PDYN: variants seen among roughly 807,000 people sequenced by gnomAD.
PDYN encodes proenkephalin-B.
PDYN carries 5 observed loss-of-function variants against 11.4 expected under a neutral mutation model. The observed-to-expected ratio is 0.44, with a 90% confidence interval of 0.23 to 0.92. The LOEUF (loss-of-function observed/expected upper bound fraction) is 0.92, where lower values mean the gene tolerates loss of function less well. Ranked by LOEUF, PDYN falls within the 40% of genes least tolerant of loss-of-function variation. PDYN has a pLI of 0.24. For synonymous variants in PDYN, 132 were observed against 129.5 expected (o/e 1.02, Z -0.13); for missense variants, 337 against 317.3 (o/e 1.06, Z -0.47).
rs768892914 is a variant in PDYN, at chr20:1,980,942, C to T, written c.146G>A (p.Cys49Tyr). The stretch of plus-strand genomic sequence containing the variant: ...CTCAGAGGGCAGCAGGGCAGCCTGG[C>T]ATTGCAGGGAGCAAATCTGCAAAAG... ...PINPLICSLQ[C>Y]QAALLPSEEW... The change falls in exon 4 of 4, where the codon TGC becomes TAC. Residue 49 changes from cysteine (C) to tyrosine (Y), a missense_variant. Transcript: ENST00000217305. 3.7e-6 allele frequency: 6 copies of T among 1,614,004 alleles called. No homozygotes were observed. Among genetic ancestry groups the T allele is most frequent in the Non-Finnish European group, 5.1e-6 (6 of 1,180,052 alleles).
chr20:1,991,787 C>T (rs1042058550), intron 2 of PDYN, among the ~76,000 whole-genome samples: 1 of 151,968 alleles, frequency 6.6e-6, no homozygotes, highest in Non-Finnish European at 1.5e-5. Flanking sequence ...CAGGAATGAC[C>T]CAAGGAGGTG....
chr20:1,988,303 C>T (rs200910639), intron 2 of PDYN, among the ~76,000 whole-genome samples: 3 of 152,172 alleles, frequency 2.0e-5, no homozygotes, highest in East Asian at 1.9e-4. Flanking sequence ...CAGATCCCTC[C>T]GGGTTAAAAG....
intron 2 of PDYN, among the ~76,000 whole-genome samples, chr20:1,988,274 G>A (rs953892341): frequency 2.6e-5 from 4 of 152,198 alleles, no homozygotes; most frequent in African/African-American, 9.7e-5. Context: ...GTTATGAATG[G>A]GGGAGTTGGG....
intron 2 of PDYN, among the ~76,000 whole-genome samples, chr20:1,987,504 A>G (rs1988242329): frequency 6.6e-6 from 1 of 152,230 alleles, no homozygotes. Context: ...CCACCCGCGG[A>G]ACCACCTGGG....
intron 2 of PDYN, among the ~76,000 whole-genome samples, chr20:1,990,869 A>G (rs1253707025): frequency 6.6e-6 from 1 of 151,524 alleles, no homozygotes; most frequent in East Asian, 1.9e-4. Context: ...GCCCAAAAGA[A>G]TGGCAGAGGT....
Position 1,982,939 on chromosome 20 carries a change from C to A in PDYN, c.129+17G>T. ...GTCCAAGGACCTGGGCATTGAAGAACCTTGCCTGAAACCTACCAGGGGATT... is the reference window on the plus strand; with the variant it reads ...GTCCAAGGACCTGGGCATTGAAGAAACTTGCCTGAAACCTACCAGGGGATT... On this transcript the variant is annotated intron_variant, in intron 3 of 3. Transcript: ENST00000217305. 1 of 1,612,800 alleles carries A rather than the reference C, an allele frequency of 6.2e-7. No homozygotes were observed. Among genetic ancestry groups the A allele is most frequent in the Non-Finnish European group, 8.5e-7 (1 of 1,179,238 alleles).
rs1467070965 is a variant in PDYN at position 1,992,616 on chromosome 20, C to T, written c.-52G>A. 6.6e-6 allele frequency: 1 copy of T among 152,188 alleles called. No individual in the cohort carries two copies. Among genetic ancestry groups the T allele is most frequent in the Non-Finnish European group, 1.5e-5 (1 of 68,080 alleles). 9.4% of individuals were successfully genotyped at this position (152,188 alleles called of 1,614,324 possible). On this transcript the variant is annotated 5_prime_UTR_variant, in exon 2 of 4. Coordinates refer to ENST00000217305, the MANE Select transcript of PDYN (RefSeq NM_024411.5). ...GGCTGCTGCAACAGCTCCCCCCACG[C>T]AGATCTCAAAGCCTGAAGATAAATG... is the stretch of plus-strand genomic sequence containing the variant.
intron 2 of PDYN, among the ~76,000 whole-genome samples, chr20:1,983,779 G>A (rs928960184): frequency 6.6e-6 from 1 of 152,250 alleles, no homozygotes. Flanking sequence ...CATTGGGTGG[G>A]GTCAGGCTGG....
chr20:1,987,765 C>T (rs1988255443), intron 2 of PDYN, among the ~76,000 whole-genome samples: 1 of 152,188 alleles, frequency 6.6e-6, no homozygotes, highest in South Asian at 2.1e-4. Context: ...GTTTTCTCAG[C>T]TACAAAATGG....
intron 2 of PDYN, among the ~76,000 whole-genome samples, chr20:1,991,619 C>T (rs556029381): frequency 6.6e-6 from 1 of 152,320 alleles, no homozygotes; most frequent in African/African-American, 2.4e-5. Flanking sequence ...TTGTCAGACC[C>T]AGCAAGATTA....
At chr20:1,990,629 G>A (rs924038646) in intron 2 of PDYN, among the ~76,000 whole-genome samples, 1 of 152,196 alleles carries the variant, frequency 6.6e-6, no homozygotes, top group African/African-American at 2.4e-5. Context: ...AGGGAAAGAC[G>A]GCCTTGCAGG....
At chr20:1,984,699 G>C in intron 2 of PDYN, among the ~76,000 whole-genome samples, 1 of 152,138 alleles carries the variant, frequency 6.6e-6, no homozygotes, top group East Asian at 1.9e-4. Flanking sequence ...AGGAATTTGA[G>C]ACCAGCCTGA....
chr20:1,984,796 A>C (rs534244207), intron 2 of PDYN, among the ~76,000 whole-genome samples: 1 of 152,192 alleles, frequency 6.6e-6, no homozygotes, highest in South Asian at 2.1e-4. Flanking sequence ...CTACTCAGGA[A>C]GCTGAGGCAG....
intron 2 of PDYN, among the ~76,000 whole-genome samples, chr20:1,990,244 A>T (rs1417112037): frequency 6.6e-6 from 1 of 152,180 alleles, no homozygotes; most frequent in Non-Finnish European, 1.5e-5. Flanking sequence ...GCAGAATAAG[A>T]TTTCAGAGTC....
At chr20:1,986,156 C>T (rs372610570) in intron 2 of PDYN, among the ~76,000 whole-genome samples, 1 of 152,230 alleles carries the variant, frequency 6.6e-6, no homozygotes, top group South Asian at 2.1e-4. Flanking sequence ...CACAGAAACT[C>T]TACAGCACTG....
intron 2 of PDYN, among the ~76,000 whole-genome samples, chr20:1,990,643 T>G (rs1318562534): frequency 6.6e-6 from 1 of 152,142 alleles, no homozygotes; most frequent in African/African-American, 2.4e-5. Flanking sequence ...TTGCAGGCAG[T>G]GGTCCTGGTG....
intron 2 of PDYN, among the ~76,000 whole-genome samples, chr20:1,984,357 C>T (rs1988036913): frequency 6.6e-6 from 1 of 152,172 alleles, no homozygotes. Flanking sequence ...TGGTCTCTCT[C>T]TTACATCACC....
At chr20:1,990,743 G>A (rs1373339150) in intron 2 of PDYN, among the ~76,000 whole-genome samples, 1 of 152,024 alleles carries the variant, frequency 6.6e-6, no homozygotes, top group African/African-American at 2.4e-5. Context: ...TGCAATTAAG[G>A]GATGGGGAGA....
chr20:1,990,312 C>G (rs994556086), intron 2 of PDYN, among the ~76,000 whole-genome samples: 1 of 152,178 alleles, frequency 6.6e-6, no homozygotes, highest in African/African-American at 2.4e-5. Context: ...GAGTGTCTTT[C>G]GGATAACCTC....
Sources: allele counts gnomAD v4.1 joint callset (sites outside exome capture counted in the v4.1 genomes callset), GRCh38; gene constraint gnomAD v4.1.1; transcripts MANE v1.5; gene names NCBI Gene and HGNC (gene_info 2026-07-23, HGNC 2026-07-21).